Variants in COQ8A observed in about 807,000 individuals in gnomAD.
COQ8A encodes coenzyme Q8A.
Under a neutral mutation model 65.0 loss-of-function variants are expected in COQ8A, and 51 were observed. The observed-to-expected ratio is 0.78, with a 90% CI of 0.63 to 0.99. The LOEUF is 0.99. Ranked by LOEUF, COQ8A falls within the 50% of genes least tolerant of loss-of-function variation. The pLI, the probability that COQ8A is intolerant of heterozygous loss-of-function variation, is 0.00. For missense variants in COQ8A, 940 were observed against 875.0 expected, an observed-to-expected ratio of 1.07 and a Z score of -0.94; for synonymous variants, 371 against 353.2, an observed-to-expected ratio of 1.05 and a Z score of -0.57.
At chr1:226,980,159 C>T (rs550779712) in intron 5 of COQ8A, among the ~76,000 whole-genome samples, 10 of 152,344 alleles carry the variant, frequency 6.6e-5, no homozygotes, top group African/African-American at 2.2e-4. Context: ...TGGAGGACAC[C>T]GGCCACCCTG....
chr1:226,957,159 C>T (rs549427615), intron 1 of COQ8A, among the ~76,000 whole-genome samples: 22 of 150,950 alleles, frequency 1.5e-4, no homozygotes, highest in Non-Finnish European at 2.4e-4. Context: ...CCCTGGCTTC[C>T]GCTCTCCCTG....
chr1:226,984,586 G>A lies in COQ8A; in HGVS notation c.1437G>A (p.Leu479=), dbSNP rs1558209075. ...YNILVLCLRE[L]FEFHFMQTDP... is the part of the protein sequence containing the mutation. ...TCCTGGTTCTGTGCCTGAGGGAGCT[G>A]TTCGAGTTCCACTTCATGCAAACAG... Residue 479 remains leucine (L), a synonymous_variant, in exon 12 of 15, where the codon CTG becomes CTA. Transcript: ENST00000366777. The A allele has an allele frequency of 6.2e-7, 1 of 1,614,162 alleles. No individual in the cohort carries two copies. The highest frequency in any genetic ancestry group is 8.5e-7 in the Non-Finnish European group (1 of 1,179,998).
chr1:226,955,412 C>T (rs1035440151), intron 1 of COQ8A, among the ~76,000 whole-genome samples: 3 of 149,906 alleles, frequency 2.0e-5, no homozygotes, highest in African/African-American at 7.4e-5. Flanking sequence ...CTGCCACTCT[C>T]CCTGGCTGCC....
intron 4 of COQ8A, among the ~76,000 whole-genome samples, chr1:226,970,134 G>A (rs1045063074): frequency 6.6e-6 from 1 of 152,160 alleles, no homozygotes; most frequent in Non-Finnish European, 1.5e-5. Context: ...TGTAGTTTTA[G>A]CGGAGACAGG....
chr1:226,953,986 TAAAGG>T (rs1472381370), intron 1 of COQ8A, among the ~76,000 whole-genome samples: 1 of 152,230 alleles, frequency 6.6e-6, no homozygotes, highest in African/African-American at 2.4e-5. Context: ...TTCAAGGACG[TAAAGG>T]AATGTTTCAG....
intron 1 of COQ8A, among the ~76,000 whole-genome samples, chr1:226,956,443 G>C (rs1199458891): frequency 6.8e-5 from 7 of 103,634 alleles, no homozygotes; most frequent in Admixed American, 9.9e-5. Context: ...CTCCCTGGCT[G>C]CCACTCTCCC....
chr1:226,970,007 C>T (rs1009267572), intron 4 of COQ8A, among the ~76,000 whole-genome samples: 13 of 152,130 alleles, frequency 8.5e-5, no homozygotes, highest in African/African-American at 3.1e-4. Context: ...CGCTCGGTCA[C>T]CCAGGCTGGA....
At chr1:226,983,213 T>G (rs1023305985) in intron 8 of COQ8A, 179 bp downstream of exon 8, 5 of 1,037,754 alleles carry the variant, frequency 4.8e-6, no homozygotes, top group Non-Finnish European at 6.8e-6. Flanking sequence ...GGGAAGTATT[T>G]GCTAAATGAG....
chr1:226,976,318 G>A (rs1460507634), intron 4 of COQ8A, among the ~76,000 whole-genome samples: 1 of 150,332 alleles, frequency 6.7e-6, no homozygotes, highest in Non-Finnish European at 1.5e-5. Context: ...CTGCGATGTT[G>A]CCGGGCTGCG....
At chr1:226,959,740 AT>A (rs1477464327) in intron 1 of COQ8A, among the ~76,000 whole-genome samples, 1 of 152,212 alleles carries the variant, frequency 6.6e-6, no homozygotes, top group Non-Finnish European at 1.5e-5. Context: ...GGTGCTCACC[AT>A]CTCTGCTTCC....
At position 226,978,637 on chromosome 1, in the gene COQ8A, G is replaced by A. The variant is rs1397213623; in HGVS notation, c.730+1114G>A. Among the ~76,000 whole-genome samples the A allele has an allele frequency of 5.6e-5, 3 of 53,670 alleles. 1 individual carries two copies. Among genetic ancestry groups the A allele is most frequent in the Admixed American group, 5.4e-4 (3 of 5,570 alleles). 35.2% of individuals were successfully genotyped at this position (53,670 alleles called of 152,430 possible). ...CGCCCACCTTACACTCCACACACCC[G>A]CCCACCTCCTTACCCTCCACACACC... On this transcript the variant is annotated intron_variant, in intron 5 of 14. Transcript: ENST00000366777.
chr1:226,983,480 T>TG, intron 8 of COQ8A, 72 bp from the exon 9 acceptor site: 1 of 1,418,798 alleles, frequency 7.0e-7, no homozygotes, highest in Admixed American at 1.7e-5. Flanking sequence ...AGTTGGGGGT[T>TG]GGGGGAGTGC....
intron 1 of COQ8A, among the ~76,000 whole-genome samples, chr1:226,959,954 C>G (rs1658049495): frequency 6.6e-6 from 1 of 152,210 alleles, no homozygotes; most frequent in Admixed American, 6.5e-5. Flanking sequence ...TTGATGCTTC[C>G]TTTTTGATTC....
chr1:226,957,735 A>T (rs980385662), intron 1 of COQ8A, among the ~76,000 whole-genome samples: 1 of 152,164 alleles, frequency 6.6e-6, no homozygotes, highest in African/African-American at 2.4e-5. Context: ...TCATTTTCCT[A>T]TTGATATATC....
At position 226,965,140 on chromosome 1, in the gene COQ8A, C is replaced by T; in HGVS notation, c.318C>T (p.Ser106=). Residue 106 remains serine, a synonymous_variant, in exon 3 of 15, where the codon TCC becomes TCT. Coordinates refer to ENST00000366777, the MANE Select transcript of COQ8A (RefSeq NM_020247.5). ...CTCCCGACCAGTCAGCGCCCCCATC[C>T]CTGGGTCATGCCCACAGCGAGGGCC... The part of the protein sequence containing the change: ...ASAPDQSAPP[S]LGHAHSEGPA... 5 of 1,613,960 alleles carry T rather than the reference C, an allele frequency of 3.1e-6. No homozygotes were observed. Among genetic ancestry groups the T allele is most frequent in the Non-Finnish European group, 4.2e-6 (5 of 1,180,044 alleles).
Position 226,982,726 on chromosome 1 carries a change from G to A in COQ8A, c.902G>A (p.Arg301Gln), listed in dbSNP as rs1243721108. 3.1e-6 allele frequency: 5 copies of A among 1,613,692 alleles called. No individual in the cohort carries two copies. The highest frequency in any genetic ancestry group is 2.2e-5 in the South Asian group (2 of 91,068). ...PHLAKIFERVRQSADFMPLKQ... is the reference protein window; with the variant it reads ...PHLAKIFERVQQSADFMPLKQ... ...CTGGCTAAGATCTTCGAGCGGGTGC[G>A]GCAGAGCGCGGACTTCATGCCACTG... The change falls in exon 7 of 15, where the codon CGG (arginine) becomes CAG (glutamine). Residue 301 changes from arginine to glutamine, a missense_variant. By Grantham distance (43) the Arg-to-Gln change is conservative. Coordinates refer to ENST00000366777, the MANE Select transcript of COQ8A (RefSeq NM_020247.5).
intron 1 of COQ8A, among the ~76,000 whole-genome samples, chr1:226,960,429 G>GCTGGTGGTGCTTGGT (rs1658147744): frequency 1.4e-5 from 1 of 71,032 alleles, no homozygotes. Context: ...ACTTGGTGGT[G>GCTGGTGGTGCTTGGT]GTACTTGGTG....
At chr1:226,956,333 C>G (rs1440608651) in intron 1 of COQ8A, among the ~76,000 whole-genome samples, 6 of 135,740 alleles carry the variant, frequency 4.4e-5, no homozygotes, top group South Asian at 2.4e-4. Context: ...CCCTGGTTCA[C>G]ACTCTCCCTG....
chr1:226,962,547 G>A (rs1250710275), intron 2 of COQ8A, among the ~76,000 whole-genome samples: 1 of 152,224 alleles, frequency 6.6e-6, no homozygotes, highest in Non-Finnish European at 1.5e-5. Flanking sequence ...GCTTAGGCAT[G>A]TGTGCATTGG....
Sources: allele counts gnomAD v4.1 joint callset (sites outside exome capture counted in the v4.1 genomes callset), GRCh38; gene constraint gnomAD v4.1.1; transcripts MANE v1.5; gene names NCBI Gene and HGNC (gene_info 2026-07-23, HGNC 2026-07-21).